The following INTS4 variants were observed in gnomAD, a reference collection of about 807,000 sequenced individuals.
INTS4 encodes MSTP093.
In INTS4, 70 loss-of-function variants were observed where a neutral mutation model predicts 119.5. The observed-to-expected ratio is 0.59, with a 90% confidence interval of 0.48 to 0.71. The LOEUF (loss-of-function observed/expected upper bound fraction) is 0.71, where lower values mean the gene tolerates loss of function less well. Among genes scored for constraint, INTS4 ranks in the 30% least tolerant of loss-of-function variants. INTS4 has a pLI of 0.00. For synonymous variants in INTS4, 316 were observed against 419.6 expected (o/e 0.75, Z 3.02); for missense variants, 867 against 1,173.2 (o/e 0.74, Z 3.81).
chr11:77,927,690 C>T (rs1188258380), intron 11 of INTS4, among the ~76,000 whole-genome samples: 1 of 151,998 alleles, frequency 6.6e-6, no homozygotes, highest in South Asian at 2.1e-4. Flanking sequence ...ATGAATCAAT[C>T]CCTAAGATCA....
intron 4 of INTS4, among the ~76,000 whole-genome samples, chr11:77,975,357 T>C (rs984540134): frequency 4.6e-5 from 7 of 152,200 alleles, no homozygotes; most frequent in Non-Finnish European, 1.0e-4. Flanking sequence ...GTATGTTGTT[T>C]AATTTCCACA....
chr11:77,878,736 T>G lies in INTS4; in HGVS notation c.*213A>C, dbSNP rs1951678056. 1 of 695,772 alleles carries G rather than the reference T, an allele frequency of 1.4e-6. No individual in the cohort carries two copies. Among genetic ancestry groups the G allele is most frequent in the Admixed American group, 2.1e-5 (1 of 47,242 alleles). The allele number at this position is 695,772 out of a possible 1,614,324, so 43.1% of individuals were successfully genotyped here. On this transcript the variant is annotated 3_prime_UTR_variant, in exon 23 of 23. Coordinates refer to ENST00000534064, the MANE Select transcript of INTS4 (RefSeq NM_033547.4). ...TAGAACAGCTTGGTGTTTTCTCAAC[T>G]TTATTGTGGACAGGAGAAGGGTAAG...
At chr11:77,959,662 C>G (rs901393950) in intron 6 of INTS4, among the ~76,000 whole-genome samples, 1 of 152,096 alleles carries the variant, frequency 6.6e-6, no homozygotes, top group Admixed American at 6.6e-5. Flanking sequence ...TGGACCCATT[C>G]TACTTCATTC....
intron 10 of INTS4, among the ~76,000 whole-genome samples, chr11:77,937,007 T>G (rs1457544719): frequency 6.6e-6 from 1 of 152,058 alleles, no homozygotes; most frequent in African/African-American, 2.4e-5. Context: ...AAACCCCGTC[T>G]CTACTAAAAA....
Position 77,973,192 on chromosome 11 carries a change from T to G in INTS4, c.471+5804A>C, listed in dbSNP as rs566648308. On this transcript the variant is annotated intron_variant, in intron 4 of 22. Coordinates refer to ENST00000534064, the MANE Select transcript of INTS4 (RefSeq NM_033547.4). The stretch of plus-strand genomic sequence containing the variant: ...CTGTAATTGAATTATTTTCCTAATT[T>G]CATTTTCATATTGTTCACTGCAAGT... Among the ~76,000 whole-genome samples the G allele has an allele frequency of 8.0e-4, 122 of 152,320 alleles. No individual in the cohort carries two copies. The South Asian group carries it at 0.024, about 31-fold the overall frequency.
chr11:77,931,176 T>C (rs1038505410), intron 10 of INTS4, among the ~76,000 whole-genome samples: 16 of 152,094 alleles, frequency 1.1e-4, no homozygotes, highest in Admixed American at 7.2e-4. Flanking sequence ...CTAAAAACAA[T>C]AACTAAAAGA....
intron 4 of INTS4, among the ~76,000 whole-genome samples, chr11:77,966,418 T>C (rs1405852986): frequency 2.0e-5 from 3 of 152,192 alleles, no homozygotes; most frequent in African/African-American, 7.2e-5. Flanking sequence ...CTTCTAGTAG[T>C]TTTACAGTTT....
At chr11:77,938,606 G>A (rs1591081046) in intron 10 of INTS4, 45 bp downstream of exon 10, 2 of 1,582,898 alleles carry the variant, frequency 1.3e-6, no homozygotes, top group South Asian at 2.3e-5. Context: ...CTGACACACA[G>A]CAGTCACTTA....
intron 6 of INTS4, 89 bp downstream of exon 6, chr11:77,960,252 T>G: frequency 2.3e-6 from 2 of 887,344 alleles, no homozygotes; most frequent in South Asian, 3.1e-5. Flanking sequence ...AGCGAAGTCC[T>G]TACGTTTTCA....
At chr11:77,914,241 C>A (rs1291820253) in intron 15 of INTS4, among the ~76,000 whole-genome samples, 1 of 152,198 alleles carries the variant, frequency 6.6e-6, no homozygotes, top group Non-Finnish European at 1.5e-5. Flanking sequence ...CACTGCCTAG[C>A]AAGACTATCA....
chr11:77,981,207 A>AAAAAAAAAAAAAAAAAAAAAAAAAAAC (rs1856202770), intron 3 of INTS4, among the ~76,000 whole-genome samples: 1 of 151,566 alleles, frequency 6.6e-6, no homozygotes, highest in Non-Finnish European at 1.5e-5. Flanking sequence ...AAAAAAAAAA[A>AAAAAAAAAAAAAAAAAAAAAAAAAAAC]AAGGGACAAT....
intron 2 of INTS4, among the ~76,000 whole-genome samples, chr11:77,988,558 G>C (rs542026311): frequency 6.6e-6 from 1 of 152,278 alleles, no homozygotes; most frequent in South Asian, 2.1e-4. Flanking sequence ...CAAAATCAAG[G>C]AAGGGGACTA....
At chr11:77,918,331 G>A (rs1416365795) in intron 15 of INTS4, 2 of 480,460 alleles carry the variant, frequency 4.2e-6, no homozygotes, top group Admixed American at 3.2e-5. Context: ...CAGCTACTTG[G>A]GAGGCTGAAG....
At chr11:77,928,294 G>C (rs1193717162) in intron 11 of INTS4, 48 bp downstream of exon 11, 7 of 1,461,178 alleles carry the variant, frequency 4.8e-6, no homozygotes, top group Non-Finnish European at 6.6e-6. Flanking sequence ...GATTTTAACA[G>C]GGGGGGGTGA....
intron 10 of INTS4, among the ~76,000 whole-genome samples, chr11:77,936,678 T>C (rs1363827193): frequency 1.3e-5 from 2 of 152,036 alleles, no homozygotes; most frequent in African/African-American, 2.4e-5. Context: ...GGGATTAACA[T>C]CAGATTATAT....
chr11:77,875,405 A>C (rs191953231), downstream of INTS4, among the ~76,000 whole-genome samples: 3 of 152,350 alleles, frequency 2.0e-5, no homozygotes. Context: ...TTTAATATTT[A>C]CTGTAGTTAC....
At chr11:77,891,241 G>A in intron 21 of INTS4, 78 bp downstream of exon 21, 3 of 1,373,190 alleles carry the variant, frequency 2.2e-6, no homozygotes, top group South Asian at 1.3e-5. Context: ...CTCAAGTAGA[G>A]ACTACAGGGG....
At chr11:77,926,644 TA>T (rs200466055) in intron 11 of INTS4, among the ~76,000 whole-genome samples, 4,006 of 145,680 alleles carry the variant, frequency 0.027, 120 homozygotes, top group African/African-American at 0.08. Flanking sequence ...CGATCTCTAC[TA>T]AAAAAAAAAA....
chr11:77,994,236 C>G (rs968549697), intron 1 of INTS4, among the ~76,000 whole-genome samples: 1 of 151,972 alleles, frequency 6.6e-6, no homozygotes, highest in Admixed American at 6.6e-5. Flanking sequence ...CTGGCTGTAT[C>G]CTCGTACCCC....
Sources: gnomAD v4.1 joint callset for allele counts (sites outside exome capture counted in the v4.1 genomes callset) on GRCh38, gnomAD v4.1.1 for gene constraint, MANE v1.5 for transcripts, NCBI Gene and HGNC (gene_info 2026-07-23, HGNC 2026-07-21) for gene names.